Variants in MXD4 observed in about 807,000 individuals in gnomAD.
MXD4 encodes MAX dimerization protein 4, also known as Mad4 homolog.
In MXD4, 16 loss-of-function variants were observed where a neutral mutation model predicts 24.5. That is an observed-to-expected ratio of 0.65 (90% CI 0.44 to 0.99). The LOEUF is 0.99. Ranked by LOEUF, MXD4 falls within the 50% of genes least tolerant of loss-of-function variation. MXD4 has a pLI of 0.00. For synonymous variants in MXD4, 164 were observed against 134.2 expected, an observed-to-expected ratio of 1.22 and a Z score of -1.54; for missense variants, 301 against 301.5, an observed-to-expected ratio of 1.00 and a Z score of 0.01.
chr4:2,260,655 G>A (rs1735521131), intron 2 of MXD4: 7 of 446,986 alleles, frequency 1.6e-5, no homozygotes, highest in Non-Finnish European at 2.7e-5. Flanking sequence ...ACTCAGGGAC[G>A]GGTCCCAGCC....
chr4:2,258,159 C>T, intron 2 of MXD4, 148 bp from the exon 3 acceptor site: 1 of 922,810 alleles, frequency 1.1e-6, no homozygotes, highest in East Asian at 2.6e-5. Flanking sequence ...AGGCCTGGGG[C>T]AGGTGAGCAG....
chr4:2,261,383 G>C (rs904789410), intron 2 of MXD4, among the ~76,000 whole-genome samples: 1 of 152,226 alleles, frequency 6.6e-6, no homozygotes. Flanking sequence ...GCACCGGCCA[G>C]CGCCCGCTGA....
Position 2,247,968 on chromosome 4 carries a change from T to A in MXD4, c.*2576A>T, listed in dbSNP as rs1577814041. 6.6e-6 allele frequency: 1 copy of A among 152,530 alleles called. No homozygotes were observed. Among genetic ancestry groups the A allele is most frequent in the Non-Finnish European group, 1.5e-5 (1 of 68,196 alleles). The allele number at this position is 152,530 out of a possible 1,614,324, so 9.4% of individuals were successfully genotyped here. A position where few individuals can be genotyped will look rare whatever the true frequency, so the allele number is the denominator to read the frequency against. The stretch of plus-strand genomic sequence containing the variant: ...TGGGGAACCCAAGCCTGAGTCTGGG[T>A]GCTCAGTGGCCGAGAGCACTGGTGT... On this transcript the variant is annotated 3_prime_UTR_variant, in exon 6 of 6. Transcript: ENST00000337190.
At chr4:2,261,850 GC>G (rs1438299343) in intron 1 of MXD4, 26 bp from the exon 2 acceptor site, 11 of 1,358,138 alleles carry the variant, frequency 8.1e-6, no homozygotes, top group East Asian at 3.3e-5. Context: ...GCGGTCAGCG[GC>G]CCCCGCCCGG....
chr4:2,253,585 C>T (rs1414810188), intron 3 of MXD4: 1 of 152,194 alleles, frequency 6.6e-6, no homozygotes, highest in Admixed American at 6.5e-5. Context: ...CAGCTGATGC[C>T]TACACACGTG....
At chr4:2,255,955 T>G (rs1735419480) in intron 3 of MXD4, among the ~76,000 whole-genome samples, 1 of 152,068 alleles carries the variant, frequency 6.6e-6, no homozygotes, top group Non-Finnish European at 1.5e-5. Context: ...CTGCCTGCGT[T>G]TTCTAGATGT....
intron 2 of MXD4, 77 bp downstream of exon 2, chr4:2,261,648 G>A: frequency 1.1e-6 from 1 of 891,016 alleles, no homozygotes; most frequent in Non-Finnish European, 1.4e-6. Context: ...GCCGGGAATC[G>A]GGGCCCGGAG....
chr4:2,251,358 A>G (rs1735319670), intron 4 of MXD4, 112 bp from the exon 5 acceptor site: 1 of 1,314,140 alleles, frequency 7.6e-7, no homozygotes, highest in South Asian at 1.6e-5. Context: ...ATCCCTGCCA[A>G]GACCTAGCCA....
intron 3 of MXD4, 92 bp downstream of exon 3, chr4:2,257,890 C>T (rs551108656): frequency 1.3e-6 from 2 of 1,545,076 alleles, no homozygotes; most frequent in South Asian, 1.1e-5. Context: ...CTGGCCGTGC[C>T]CGGGACAGGG....
intron 3 of MXD4, among the ~76,000 whole-genome samples, chr4:2,257,110 C>T (rs1324743254): frequency 2.0e-5 from 3 of 152,194 alleles, no homozygotes; most frequent in African/African-American, 4.8e-5. Context: ...CCCCAGCCAG[C>T]GGCCTGAATC....
At chr4:2,258,077 G>A in intron 2 of MXD4, 66 bp from the exon 3 acceptor site, 1 of 1,597,542 alleles carries the variant, frequency 6.3e-7, no homozygotes, top group Non-Finnish European at 8.6e-7. Context: ...AGAGAGCAGT[G>A]CTCTCCTAGG....
intron 3 of MXD4, chr4:2,254,014 C>T (rs1169959452): frequency 1.3e-5 from 2 of 152,258 alleles, no homozygotes; most frequent in Non-Finnish European, 2.9e-5. Context: ...AGGGAGGGGT[C>T]CTTTCCCAAG....
rs759911747 is a variant in MXD4, at chr4:2,250,561, G to A, written c.613C>T (p.Arg205Cys). ...GCACGGGCCTACGAGAGGGCGGGGC[G>A]GCCCAGCCGCCGGCAGTGGGGCCCG... ...GFGPHCRRLGRPALS is the reference protein window; with the variant it reads ...GFGPHCRRLGCPALS The change falls in exon 6 of 6, where the codon CGC (arginine) becomes TGC (cysteine). Residue 205 changes from arginine to cysteine, a missense_variant. Coordinates refer to ENST00000337190, the MANE Select transcript of MXD4 (RefSeq NM_006454.3). The A allele has an allele frequency of 2.8e-5, 44 of 1,596,900 alleles. No homozygotes were observed. Among genetic ancestry groups the A allele is most frequent in the Non-Finnish European group, 3.3e-5 (39 of 1,172,576 alleles).
In MXD4 at chr4:2,250,066, G is replaced by GGAGCCTATA. The variant is rs769948735; in HGVS notation, c.*477_*478insTATAGGCTC. ...CTTCACAGACCCCTTGTCCACGCCA[G>GGAGCCTATA]GAGCCTATGTGGACTGACAGGTAGG... On this transcript the variant is annotated 3_prime_UTR_variant, in exon 6 of 6. Coordinates refer to ENST00000337190, the MANE Select transcript of MXD4 (RefSeq NM_006454.3). 2.0e-4 allele frequency: 33 copies of GGAGCCTATA among 161,970 alleles called. 1 individual carries two copies. The highest frequency in any genetic ancestry group is 1.1e-4 in the Non-Finnish European group (8 of 72,452). The allele number at this position is 161,970 out of a possible 1,614,324, so 10.0% of individuals were successfully genotyped here. A position where few individuals can be genotyped will look rare whatever the true frequency, so the allele number is the denominator to read the frequency against.
intron 4 of MXD4, among the ~76,000 whole-genome samples, chr4:2,251,581 C>T (rs1169240552): frequency 6.6e-6 from 1 of 152,246 alleles, no homozygotes. Context: ...CTTTGGCTGG[C>T]ACCGTCTCCA....
intron 4 of MXD4, among the ~76,000 whole-genome samples, chr4:2,251,977 C>G (rs983367961): frequency 6.6e-6 from 1 of 152,162 alleles, no homozygotes; most frequent in Non-Finnish European, 1.5e-5. Flanking sequence ...GCTGCCCCAA[C>G]CCCACCCTGG....
Position 2,261,831 on chromosome 4 carries a change from A to C in MXD4, c.65-7T>G, listed in dbSNP as rs2108792459. The C allele has an allele frequency of 7.3e-7, 1 of 1,369,408 alleles. No individual in the cohort carries two copies. Among genetic ancestry groups the C allele is most frequent in the Non-Finnish European group, 9.4e-7 (1 of 1,059,460 alleles). The allele number at this position is 1,369,408 out of a possible 1,614,324, so 84.8% of individuals were successfully genotyped here. ...GCGTAGCCGTGCTCGGCCTCTGCGG[A>C]CACACGGCGCGGTCAGCGGCCCCCG... On this transcript the variant is annotated splice_region_variant and splice_polypyrimidine_tract_variant and intron_variant, in intron 1 of 5. Transcript: ENST00000337190.
At chr4:2,258,816 A>G in intron 2 of MXD4, 1 of 438,622 alleles carries the variant, frequency 2.3e-6, no homozygotes, top group Non-Finnish European at 4.6e-6. Flanking sequence ...GGGCTGTGCT[A>G]GCAGGATGGG....
At chr4:2,254,863 T>C in intron 3 of MXD4, 1 of 167,318 alleles carries the variant, frequency 6.0e-6, no homozygotes, top group South Asian at 1.3e-4. Flanking sequence ...GGGTCGTTGA[T>C]GGTTTGCTGG....
Sources: allele counts gnomAD v4.1 joint callset (sites outside exome capture counted in the v4.1 genomes callset), GRCh38; gene constraint gnomAD v4.1.1; transcripts MANE v1.5; gene names NCBI Gene and HGNC (gene_info 2026-07-23, HGNC 2026-07-21).